The following GCH1 variants were observed in gnomAD, a reference collection of about 807,000 sequenced individuals.
The protein encoded by GCH1 is GTP cyclohydrolase I.
GCH1 carries 5 observed loss-of-function variants against 25.9 expected under a neutral mutation model. The ratio of observed to expected loss-of-function variants is 0.19; its 90% CI spans 0.10 to 0.41. GCH1 has a LOEUF of 0.41. GCH1 is among the 10% of genes least tolerant of loss of function. The pLI, the probability that GCH1 is intolerant of heterozygous loss-of-function variation, is 1.00. For missense variants in GCH1, 261 were observed against 336.5 expected, an observed-to-expected ratio of 0.78 and a Z score of 1.75; for synonymous variants, 159 against 129.6, an observed-to-expected ratio of 1.23 and a Z score of -1.54.
rs570405438 is a variant in GCH1, at chr14:54,852,524, G to C, written c.510-5394C>G. 3.8e-4 allele frequency among the ~76,000 whole-genome samples: 58 copies of C among 152,264 alleles called. 1 individual carries two copies. In the South Asian group the frequency reaches 5.6e-3, roughly 15 times the overall value. On this transcript the variant is annotated intron_variant, in intron 3 of 5. Coordinates refer to ENST00000491895, the MANE Select transcript of GCH1 (RefSeq NM_000161.3). ...AGATACGCCAAATCACCTAACGTGT[G>C]CATCTTTGGGATGTGGGAGGAAACA...
chr14:54,894,875 T>C (rs1298783831), intron 1 of GCH1, among the ~76,000 whole-genome samples: 2 of 152,182 alleles, frequency 1.3e-5, no homozygotes, highest in Admixed American at 1.3e-4. Flanking sequence ...TTGAGTGAGC[T>C]ACACATCTAA....
intron 1 of GCH1, among the ~76,000 whole-genome samples, chr14:54,887,175 T>A (rs2040363815): frequency 6.6e-6 from 1 of 152,218 alleles, no homozygotes; most frequent in Non-Finnish European, 1.5e-5. Context: ...TTCAAACTAA[T>A]AAAACATTTT....
chr14:54,880,363 AAT>A (rs1471138012), intron 1 of GCH1, among the ~76,000 whole-genome samples: 1 of 144,164 alleles, frequency 6.9e-6, no homozygotes, highest in African/African-American at 2.5e-5. Flanking sequence ...TATATTATAA[AAT>A]ATATATTTTA....
intron 3 of GCH1, among the ~76,000 whole-genome samples, chr14:54,857,594 C>G (rs139631015): frequency 2.0e-5 from 3 of 152,162 alleles, no homozygotes; most frequent in Non-Finnish European, 4.4e-5. Flanking sequence ...ACAGGGAGGC[C>G]CAGGGGACTG....
At chr14:54,893,348 C>A (rs1288843743) in intron 1 of GCH1, among the ~76,000 whole-genome samples, 1 of 152,192 alleles carries the variant, frequency 6.6e-6, no homozygotes, top group Non-Finnish European at 1.5e-5. Flanking sequence ...TTGCCCTCTC[C>A]TGGTGAGTTT....
At chr14:54,879,352 C>T (rs10133449) in intron 1 of GCH1, among the ~76,000 whole-genome samples, 32,202 of 141,722 alleles carry the variant, frequency 0.23, 4,819 homozygotes, top group East Asian at 0.44. Flanking sequence ...ACCTGGGAGG[C>T]GAAGGTTGCA....
intron 1 of GCH1, among the ~76,000 whole-genome samples, chr14:54,886,990 T>TA (rs1289302520): frequency 9.2e-5 from 14 of 152,224 alleles, no homozygotes; most frequent in Non-Finnish European, 1.3e-4. Context: ...AAGAGTGGCC[T>TA]AATGCCCAGA....
In GCH1 at chr14:54,843,627, GAA is replaced by G; in HGVS notation, c.*388_*389del. The stretch of plus-strand genomic sequence containing the variant: ...CACTACACCACTTTTATTGGAGGAA[GAA>G]AAAAAACAGTATACTGGGCACAGTT... On this transcript the variant is annotated 3_prime_UTR_variant, in exon 6 of 6. Transcript: ENST00000491895. 1.3e-6 allele frequency: 2 copies of G among 1,486,442 alleles called. No homozygotes were observed. The highest frequency in any genetic ancestry group is 5.3e-5 in the Admixed American group (2 of 38,064). 92.1% of individuals were successfully genotyped at this position (1,486,442 alleles called of 1,614,324 possible).
At chr14:54,867,589 C>CAAAAAAAAAAAAAAAAAAA (rs1029899399) in intron 1 of GCH1, among the ~76,000 whole-genome samples, 1 of 46,648 alleles carries the variant, frequency 2.1e-5, no homozygotes, top group Non-Finnish European at 3.9e-5. Flanking sequence ...GACTCCGTCT[C>CAAAAAAAAAAAAAAAAAAA]AAAAAAAAAA....
intron 2 of GCH1, among the ~76,000 whole-genome samples, chr14:54,860,856 GAA>G (rs2039886671): frequency 6.6e-6 from 1 of 152,068 alleles, no homozygotes; most frequent in Admixed American, 6.5e-5. Context: ...CCTAACTGGA[GAA>G]AAAGGGCACT....
intron 1 of GCH1, among the ~76,000 whole-genome samples, chr14:54,880,599 CAT>C (rs1203054895): frequency 8.4e-4 from 26 of 30,948 alleles, no homozygotes; most frequent in East Asian, 7.0e-3. Context: ...ATATATACTC[CAT>C]ATATATATAT....
chr14:54,847,401 A>G (rs2039658816), intron 3 of GCH1, among the ~76,000 whole-genome samples: 1 of 152,196 alleles, frequency 6.6e-6, no homozygotes, highest in Non-Finnish European at 1.5e-5. Flanking sequence ...GGGCTGGGAA[A>G]GGCAGACCCA....
At chr14:54,858,434 C>T (rs1044882962) in intron 3 of GCH1, among the ~76,000 whole-genome samples, 12 of 151,918 alleles carry the variant, frequency 7.9e-5, no homozygotes, top group Admixed American at 2.0e-4. Context: ...TACAGGTGTG[C>T]GCCACCACGC....
At chr14:54,865,465 T>C in intron 1 of GCH1, 29 bp from the exon 2 acceptor site, 2 of 1,052,696 alleles carry the variant, frequency 1.9e-6, no homozygotes, top group Non-Finnish European at 3.0e-6. Context: ...TTTAGTAACA[T>C]GTCCAATTTT....
At position 54,869,373 on chromosome 14, in the gene GCH1, T is replaced by C. The variant is rs549015487; in HGVS notation, c.344-3937A>G. On this transcript the variant is annotated intron_variant, in intron 1 of 5. Coordinates refer to ENST00000491895, the MANE Select transcript of GCH1 (RefSeq NM_000161.3). ...TTCTTAAATGTTGATAATTGTACCA[T>C]GGCCATGTGAGATGTTAAACATCAG... Among the ~76,000 whole-genome samples the C allele has an allele frequency of 4.6e-5, 7 of 151,976 alleles. No homozygotes were observed. In the South Asian group the frequency reaches 8.3e-4, roughly 18 times the overall value.
intron 3 of GCH1, among the ~76,000 whole-genome samples, chr14:54,849,656 T>C (rs969702817): frequency 2.0e-5 from 3 of 152,216 alleles, no homozygotes; most frequent in African/African-American, 4.8e-5. Context: ...CTAGAAACTT[T>C]TTTAGCCATT....
At chr14:54,879,102 A>G (rs973910159) in intron 1 of GCH1, among the ~76,000 whole-genome samples, 7 of 152,116 alleles carry the variant, frequency 4.6e-5, no homozygotes, top group African/African-American at 1.4e-4. Flanking sequence ...AGGGACTCCA[A>G]AGAAATTCAT....
At position 54,902,342 on chromosome 14, in the gene GCH1, C is replaced by T. The variant is rs2140127010; in HGVS notation, c.322G>A (p.Gly108Ser). The T allele has an allele frequency of 6.2e-7, 1 of 1,612,796 alleles. No individual in the cohort carries two copies. Among genetic ancestry groups the T allele is most frequent in the Non-Finnish European group, 8.5e-7 (1 of 1,179,788 alleles). Residue 108 changes from glycine (G) to serine (S), a missense_variant, in exon 1 of 6, where the codon GGC (glycine) becomes AGC (serine). Transcript: ENST00000491895. ...AASAMQFFTK[G>S]YQETISDVLN... ...TGACCTGAGATGGTCTCCTGGTAGC[C>T]CTTGGTGAAGAACTGCATGGCCGAG... is the stretch of plus-strand genomic sequence containing the variant.
chr14:54,851,374 G>A lies in GCH1; in HGVS notation c.510-4244C>T, dbSNP rs553146380. ...AACAAAAGCCAAAATTGACAAATGG[G>A]ATCTAATTAAACTAAAGAGCTTCTG... On this transcript the variant is annotated intron_variant, in intron 3 of 5. Transcript: ENST00000491895. Among the ~76,000 whole-genome samples, 4 of 152,268 alleles carry A rather than the reference G, an allele frequency of 2.6e-5. No individual in the cohort carries two copies. The East Asian group carries it at 7.7e-4, about 29-fold the overall frequency.
Sources: allele counts gnomAD v4.1 joint callset (sites outside exome capture counted in the v4.1 genomes callset), GRCh38; gene constraint gnomAD v4.1.1; transcripts MANE v1.5; gene names NCBI Gene and HGNC (gene_info 2026-07-23, HGNC 2026-07-21).